NDUFB6: variants seen among roughly 807,000 people sequenced by gnomAD.
The protein encoded by NDUFB6 is NADH:ubiquinone oxidoreductase subunit B6.
In NDUFB6, 23 loss-of-function variants were observed where a neutral mutation model predicts 17.5. The observed-to-expected ratio is 1.31, with a 90% confidence interval of 0.94 to 1.86. The LOEUF (loss-of-function observed/expected upper bound fraction) is 1.86. Ranked by LOEUF, NDUFB6 falls within the 40% of genes most tolerant of loss-of-function variation. The probability of loss-of-function intolerance (pLI) is 0.00; values close to 1 mark genes in which losing one functional copy is unlikely to be tolerated. For synonymous variants in NDUFB6, 60 were observed against 53.5 expected, an observed-to-expected ratio of 1.12 and a Z score of -0.53; for missense variants, 167 against 153.8, an observed-to-expected ratio of 1.09 and a Z score of -0.46.
At chr9:32,566,278 T>C in intron 2 of NDUFB6, 2 of 1,151,248 alleles carry the variant, frequency 1.7e-6, no homozygotes, top group East Asian at 2.3e-5. Flanking sequence ...TTCTCTGAGG[T>C]AGAAAGCAGG....
In NDUFB6 at chr9:32,570,973, T is replaced by A. The variant is rs779451513; in HGVS notation, c.260A>T (p.Lys87Met). ...GGACATACTTACAGAAACATGATAC[T>A]TCATGTAATAATGAATAATCCAGAC... The part of the protein sequence containing the change: ...VPVWIIHYYM[K>M]YHVSEKPYGI... Residue 87 changes from lysine (K) to methionine (M), a missense_variant, in exon 2 of 4, where the codon AAG (lysine) becomes ATG (methionine). Lys to Met is a moderately conservative substitution (Grantham distance 95, BLOSUM62 -1). Transcript: ENST00000379847. 6.3e-7 allele frequency: 1 copy of A among 1,579,274 alleles called. No homozygotes were observed. The highest frequency in any genetic ancestry group is 8.7e-7 in the Non-Finnish European group (1 of 1,155,758).
At chr9:32,570,829 C>T (rs1456204503) in intron 2 of NDUFB6, 131 bp downstream of exon 2, 2 of 551,408 alleles carry the variant, frequency 3.6e-6, no homozygotes, top group African/African-American at 2.0e-5. Flanking sequence ...AACCTTTTAC[C>T]TAAGAGAATT....
intron 2 of NDUFB6, chr9:32,566,991 A>C (rs527793295): frequency 2.4e-5 from 12 of 510,524 alleles, no homozygotes; most frequent in African/African-American, 2.3e-4. Flanking sequence ...GGTCAGCTCC[A>C]TGCCATCCTC....
chr9:32,570,994 C>T lies in NDUFB6; in HGVS notation c.239G>A (p.Trp80Ter), dbSNP rs1821923559. The part of the protein sequence containing the change: ...FVFTHVLVPV[W>*]IIHYYMKYHV... ...ATACTTCATGTAATAATGAATAATC[C>T]AGACAGGTACAAGTACATGAGTGAA... Residue 80 changes from tryptophan to a stop codon, truncating the protein, a stop_gained, in exon 2 of 4, where the codon TGG (tryptophan) becomes TAG (stop). Coordinates refer to ENST00000379847, the MANE Select transcript of NDUFB6 (RefSeq NM_002493.5). LOFTEE classifies it high-confidence loss of function. 2 of 1,602,552 alleles carry T rather than the reference C, an allele frequency of 1.2e-6. No homozygotes were observed. The highest frequency in any genetic ancestry group is 1.7e-6 in the Non-Finnish European group (2 of 1,173,274).
intron 2 of NDUFB6, among the ~76,000 whole-genome samples, chr9:32,569,507 C>T (rs1038198259): frequency 7.9e-5 from 12 of 152,130 alleles, no homozygotes; most frequent in Admixed American, 2.0e-4. Context: ...CATGAGCCAC[C>T]GTGCCCGGCC....
Position 32,553,181 on chromosome 9 carries a change from C to A in NDUFB6, c.*695G>T. ...TTTTCAATCAAGTTTCTAAATTCTTCAAAAATGATTCGGAAAGCTTTTTTT... is the reference window on the plus strand; with the variant it reads ...TTTTCAATCAAGTTTCTAAATTCTTAAAAAATGATTCGGAAAGCTTTTTTT... On this transcript the variant is annotated 3_prime_UTR_variant, in exon 4 of 4. Transcript: ENST00000379847. The A allele has an allele frequency of 9.5e-6, 3 of 315,348 alleles. No homozygotes were observed. Among genetic ancestry groups the A allele is most frequent in the Non-Finnish European group, 1.2e-5 (2 of 172,540 alleles). The allele number at this position is 315,348 out of a possible 1,614,324, so 19.5% of individuals were successfully genotyped here.
chr9:32,563,550 T>C (rs141844037), intron 2 of NDUFB6, among the ~76,000 whole-genome samples: 1 of 148,450 alleles, frequency 6.7e-6, no homozygotes, highest in African/African-American at 2.5e-5. Flanking sequence ...TCTCAAACTC[T>C]TGGCCTCAAG....
chr9:32,553,815 T>C lies in NDUFB6; in HGVS notation c.*61A>G. 1 of 1,082,520 alleles carries C rather than the reference T, an allele frequency of 9.2e-7. No individual in the cohort carries two copies. Among genetic ancestry groups the C allele is most frequent in the African/African-American group, 1.6e-5 (1 of 62,814 alleles). The allele number at this position is 1,082,520 out of a possible 1,614,324, so 67.1% of individuals were successfully genotyped here. On this transcript the variant is annotated 3_prime_UTR_variant, in exon 4 of 4. Transcript: ENST00000379847. ...AAAGTTACTTTTCCAGAAAATTCAG[T>C]AAATATGGTAATATAGGAACAAACT...
chr9:32,564,295 C>T (rs1268040489), intron 2 of NDUFB6, among the ~76,000 whole-genome samples: 3 of 152,034 alleles, frequency 2.0e-5, no homozygotes, highest in East Asian at 1.9e-4. Context: ...AGTGAGAATC[C>T]TGTGTCCCTT....
chr9:32,570,264 G>A (rs1349992101), intron 2 of NDUFB6, among the ~76,000 whole-genome samples: 1 of 152,026 alleles, frequency 6.6e-6, no homozygotes, highest in Non-Finnish European at 1.5e-5. Context: ...CTCCTCCCCT[G>A]CAACCCACTG....
intron 3 of NDUFB6, among the ~76,000 whole-genome samples, chr9:32,556,845 A>AC (rs1821469194): frequency 1.1e-5 from 1 of 94,760 alleles, no homozygotes; most frequent in Admixed American, 1.2e-4. Context: ...GAAATCCCCT[A>AC]CTTTTTTTTT....
chr9:32,563,311 T>C (rs1821680867), intron 2 of NDUFB6, among the ~76,000 whole-genome samples: 2 of 152,154 alleles, frequency 1.3e-5, no homozygotes, highest in African/African-American at 4.8e-5. Context: ...ATTTTAAAAT[T>C]AGTATTAGCA....
intron 3 of NDUFB6, 56 bp downstream of exon 3, chr9:32,558,854 G>A: frequency 8.1e-7 from 1 of 1,239,446 alleles, no homozygotes; most frequent in Admixed American, 2.0e-5. Flanking sequence ...GGAAAGGGAG[G>A]AAAAGGAAAG....
rs1215068911 is a variant in NDUFB6, at chr9:32,572,993, A to T, written c.68T>A (p.Leu23Gln). The change falls in exon 1 of 4, where the codon CTG becomes CAG. Residue 23 changes from leucine to glutamine, a missense_variant. Leu to Gln is a moderately radical substitution (Grantham distance 113). Transcript: ENST00000379847. ...CCGAGGGCTCAGCTCCTGGTCCTTCAGCCATCGCCTTCTCAGCTCTCGCAG... is the reference window on the plus strand; with the variant it reads ...CCGAGGGCTCAGCTCCTGGTCCTTCTGCCATCGCCTTCTCAGCTCTCGCAG... ...QQLRELRRRWLKDQELSPREP... is the reference protein window; with the variant it reads ...QQLRELRRRWQKDQELSPREP... 6.2e-7 allele frequency: 1 copy of T among 1,610,624 alleles called. No homozygotes were observed. Among genetic ancestry groups the T allele is most frequent in the Non-Finnish European group, 8.5e-7 (1 of 1,178,212 alleles).
At chr9:32,559,452 T>C (rs1228597994) in intron 2 of NDUFB6, among the ~76,000 whole-genome samples, 1 of 152,228 alleles carries the variant, frequency 6.6e-6, no homozygotes, top group Admixed American at 6.5e-5. Context: ...TCTTTTAAGA[T>C]ATGTCACTCT....
intron 2 of NDUFB6, chr9:32,566,809 G>A (rs1821805828): frequency 2.3e-6 from 2 of 883,016 alleles, no homozygotes; most frequent in Non-Finnish European, 3.7e-6. Flanking sequence ...TCGGCCAGCA[G>A]TCTCTGCCTC....
At chr9:32,562,135 G>A (rs1055639518) in intron 2 of NDUFB6, among the ~76,000 whole-genome samples, 3 of 152,118 alleles carry the variant, frequency 2.0e-5, no homozygotes, top group East Asian at 1.9e-4. Flanking sequence ...ATACGGCCAC[G>A]TTCATTACTG....
chr9:32,555,474 A>G (rs1821430311), intron 3 of NDUFB6, among the ~76,000 whole-genome samples: 1 of 152,234 alleles, frequency 6.6e-6, no homozygotes, highest in Admixed American at 6.5e-5. Flanking sequence ...AGGCAGATGC[A>G]TAAGGACAAA....
chr9:32,559,961 A>G (rs1402521830), intron 2 of NDUFB6, among the ~76,000 whole-genome samples: 2 of 152,222 alleles, frequency 1.3e-5, no homozygotes, highest in African/African-American at 4.8e-5. Context: ...CATCTGCACA[A>G]GATACCACTG....
Sources: allele counts gnomAD v4.1 joint callset (sites outside exome capture counted in the v4.1 genomes callset), GRCh38; gene constraint gnomAD v4.1.1; transcripts MANE v1.5; gene names NCBI Gene and HGNC (gene_info 2026-07-23, HGNC 2026-07-21).